AUTS2: variants seen among roughly 807,000 people sequenced by gnomAD.
AUTS2 encodes activator of transcription and developmental regulator AUTS2, also known as autism susceptibility gene 2 protein.
In AUTS2, 17 loss-of-function variants were observed where a neutral mutation model predicts 112.4. That is an observed-to-expected ratio of 0.15 (90% CI 0.10 to 0.23). The LOEUF is 0.23. Among genes scored for constraint, AUTS2 ranks in the 10% least tolerant of loss-of-function variants. The pLI, the probability that AUTS2 is intolerant of heterozygous loss-of-function variation, is 1.00. For missense variants in AUTS2, 1,510 were observed against 1,701.6 expected (o/e 0.89, Z 1.98); for synonymous variants, 751 against 702.7 (o/e 1.07, Z -1.09).
intron 5 of AUTS2, among the ~76,000 whole-genome samples, chr7:70,520,308 T>C (rs957564668): frequency 6.6e-6 from 1 of 152,238 alleles, no homozygotes; most frequent in African/African-American, 2.4e-5. Flanking sequence ...AACCCAAGTC[T>C]GTTGCTGTGG....
chr7:70,360,687 C>G (rs1445683600), intron 4 of AUTS2, among the ~76,000 whole-genome samples: 1 of 152,132 alleles, frequency 6.6e-6, no homozygotes, highest in East Asian at 1.9e-4. Flanking sequence ...CCACTGATTT[C>G]TCTTCCCTGG....
intron 5 of AUTS2, among the ~76,000 whole-genome samples, chr7:70,635,602 C>T (rs1318104185): frequency 6.6e-6 from 1 of 152,134 alleles, no homozygotes; most frequent in African/African-American, 2.4e-5. Flanking sequence ...GGGTTGTTCC[C>T]ATCTCTAGGT....
intron 4 of AUTS2, among the ~76,000 whole-genome samples, chr7:70,224,702 A>G (rs1173842114): frequency 4.6e-5 from 7 of 152,212 alleles, no homozygotes; most frequent in African/African-American, 1.4e-4. Context: ...TCACTCACCT[A>G]GAGCTACTTC....
At chr7:70,284,004 G>A (rs1788343386) in intron 4 of AUTS2, among the ~76,000 whole-genome samples, 1 of 152,024 alleles carries the variant, frequency 6.6e-6, no homozygotes, top group Admixed American at 6.6e-5. Context: ...CTTGGATGGT[G>A]TCTCTCATCT....
At chr7:70,224,581 G>A (rs1811669198) in intron 4 of AUTS2, among the ~76,000 whole-genome samples, 1 of 152,028 alleles carries the variant, frequency 6.6e-6, no homozygotes, top group Non-Finnish European at 1.5e-5. Context: ...TGTTATTGAA[G>A]AAAGAAATTT....
intron 2 of AUTS2, among the ~76,000 whole-genome samples, chr7:70,079,660 T>A (rs1358380246): frequency 6.6e-6 from 1 of 152,172 alleles, no homozygotes; most frequent in Non-Finnish European, 1.5e-5. Context: ...GTAGAAATAC[T>A]ACAAAATGAT....
chr7:70,101,350 T>G (rs142750475), intron 2 of AUTS2, among the ~76,000 whole-genome samples: 2 of 151,990 alleles, frequency 1.3e-5, no homozygotes, highest in East Asian at 3.9e-4. Flanking sequence ...GCTATCTGGC[T>G]TATGAATTTT....
intron 7 of AUTS2, 119 bp from the exon 8 acceptor site, chr7:70,764,633 G>A: frequency 1.6e-6 from 1 of 636,796 alleles, no homozygotes; most frequent in Non-Finnish European, 2.9e-6. Flanking sequence ...TCTGTAAAGA[G>A]GAAGGGGCAA....
At chr7:69,926,850 A>G (rs1796036841) in intron 2 of AUTS2, among the ~76,000 whole-genome samples, 1 of 146,760 alleles carries the variant, frequency 6.8e-6, no homozygotes, top group Non-Finnish European at 1.5e-5. Context: ...TATATCATGT[A>G]TATATAGTAT....
chr7:70,694,090 C>T lies in AUTS2; in HGVS notation c.691-4479C>T, dbSNP rs1303558831. Reference sequence around the variant, plus strand: ...CTGGAGGAGGCGCGCTCGGCGCAGTCGGGGAGCGAAGTCCGGAGCAAGGGG... The same window carrying T: ...CTGGAGGAGGCGCGCTCGGCGCAGTTGGGGAGCGAAGTCCGGAGCAAGGGG... On this transcript the variant is annotated intron_variant, in intron 5 of 18. Transcript: ENST00000342771. The surrounding 1 kb of genome is among the most constrained non-coding windows in gnomAD (Gnocchi z 4.1). The T allele has an allele frequency of 1.3e-5, 2 of 151,428 alleles. No homozygotes were observed. The highest frequency in any genetic ancestry group is 1.9e-4 in the East Asian group (1 of 5,148). The allele number at this position is 151,428 out of a possible 1,614,324, so 9.4% of individuals were successfully genotyped here.
intron 4 of AUTS2, among the ~76,000 whole-genome samples, chr7:70,428,527 T>C (rs185969624): frequency 6.6e-6 from 1 of 152,314 alleles, no homozygotes; most frequent in East Asian, 1.9e-4. Context: ...AATCGATTTG[T>C]TTTGTCACTG....
In AUTS2 at chr7:69,911,991, G is replaced by T. The variant is rs114892800; in HGVS notation, c.522+12493G>T. Among the ~76,000 whole-genome samples the T allele has an allele frequency of 9.7e-4, 147 of 152,298 alleles. 1 individual carries two copies. The highest frequency in any genetic ancestry group is 3.4e-3 in the African/African-American group (143 of 41,576). ...ATGTGCCATCCATGGCACTCAGGCT[G>T]TTGATGCCAAGGGACACCTGTAGGC... On this transcript the variant is annotated intron_variant, in intron 2 of 18. Transcript: ENST00000342771.
At chr7:69,971,547 C>T (rs1797850608) in intron 2 of AUTS2, among the ~76,000 whole-genome samples, 1 of 152,132 alleles carries the variant, frequency 6.6e-6, no homozygotes, top group South Asian at 2.1e-4. Context: ...AGTGAAAATA[C>T]AGAACAACCA....
At chr7:70,775,000 C>G (rs534766983) in intron 12 of AUTS2, 1 of 262,704 alleles carries the variant, frequency 3.8e-6, no homozygotes, top group East Asian at 8.0e-5. Flanking sequence ...GCTTTAAAAG[C>G]CAGGGGTCTG....
chr7:70,081,396 A>T (rs931712704), intron 2 of AUTS2, among the ~76,000 whole-genome samples: 26 of 151,010 alleles, frequency 1.7e-4, no homozygotes, highest in African/African-American at 5.6e-4. Flanking sequence ...ATAAAAAAAA[A>T]AAAAAAAAAA....
At chr7:69,780,641 C>A (rs991172395) in intron 1 of AUTS2, among the ~76,000 whole-genome samples, 1 of 152,202 alleles carries the variant, frequency 6.6e-6, no homozygotes, top group African/African-American at 2.4e-5. Flanking sequence ...CTGTAAGTGG[C>A]TGGAGCTACA....
At chr7:69,918,499 C>T (rs1487541670) in intron 2 of AUTS2, among the ~76,000 whole-genome samples, 1 of 152,180 alleles carries the variant, frequency 6.6e-6, no homozygotes, top group East Asian at 1.9e-4. Context: ...GCAAGAAAAA[C>T]TAGACATGAT....
chr7:70,111,969 A>G (rs1472252359), intron 2 of AUTS2, among the ~76,000 whole-genome samples: 1 of 151,934 alleles, frequency 6.6e-6, no homozygotes, highest in East Asian at 1.9e-4. Flanking sequence ...TTTAATTTCT[A>G]ATGATGTTCT....
chr7:70,573,948 A>G (rs972936786), intron 5 of AUTS2, among the ~76,000 whole-genome samples: 55 of 152,290 alleles, frequency 3.6e-4, no homozygotes, highest in African/African-American at 9.9e-4. Flanking sequence ...TTTGGGGGAT[A>G]TGCATTGAAG....
Sources: allele counts gnomAD v4.1 joint callset (sites outside exome capture counted in the v4.1 genomes callset), GRCh38; gene constraint gnomAD v4.1.1; non-coding constraint Gnocchi (gnomAD v3.1); transcripts MANE v1.5; gene names NCBI Gene and HGNC (gene_info 2026-07-23, HGNC 2026-07-21).